The following MTMR1 variants were observed in gnomAD, a reference collection of about 807,000 sequenced individuals.
MTMR1 encodes myotubularin related protein 1, also known as phosphatidylinositol-3-phosphate phosphatase MTMR1.
In MTMR1, 17 loss-of-function variants were observed where a neutral mutation model predicts 51.6. That is an observed-to-expected ratio of 0.33 (90% CI 0.23 to 0.49). The LOEUF (loss-of-function observed/expected upper bound fraction) is 0.49, where lower values mean the gene tolerates loss of function less well. Ranked by LOEUF, MTMR1 falls within the 20% of genes least tolerant of loss-of-function variation. The pLI is 0.99. For synonymous variants in MTMR1, 201 were observed against 205.6 expected (o/e 0.98, Z 0.19); for missense variants, 386 against 526.9 (o/e 0.73, Z 2.62).
At chrX:150,702,813 G>A (rs1282530562) in intron 2 of MTMR1, among the ~76,000 whole-genome samples, 2 of 112,054 alleles carry the variant, frequency 1.8e-5, no homozygotes, top group African/African-American at 6.5e-5. Context: ...GAGGTGGTAT[G>A]TGAAATGGCA....
chrX:150,751,111 T>G (rs2042719182), intron 14 of MTMR1: 18 of 1,063,798 alleles, frequency 1.7e-5, no homozygotes, highest in Non-Finnish European at 2.2e-5. Context: ...TGACTCCGAG[T>G]TCATGTAGTC....
intron 10 of MTMR1, chrX:150,735,646 A>G (rs2042246264): frequency 5.6e-6 from 2 of 355,721 alleles, no homozygotes; most frequent in Non-Finnish European, 9.7e-6. Context: ...CTTTTTTAAA[A>G]AAAACTTATT....
intron 2 of MTMR1, among the ~76,000 whole-genome samples, chrX:150,708,171 T>C (rs1392733882): frequency 8.9e-6 from 1 of 111,865 alleles, no homozygotes; most frequent in Non-Finnish European, 1.9e-5. Context: ...TCAATGCCAA[T>C]ATCCTGGTTC....
chrX:150,704,768 T>C (rs2041036753), intron 2 of MTMR1, among the ~76,000 whole-genome samples: 1 of 111,757 alleles, frequency 8.9e-6, no homozygotes. Flanking sequence ...GAAAGCCAGC[T>C]TAAACAAAGG....
chrX:150,727,893 C>A, intron 6 of MTMR1, 102 bp downstream of exon 6: 1 of 454,078 alleles, frequency 2.2e-6, no homozygotes, highest in Non-Finnish European at 3.6e-6. Context: ...ATAATTTGTA[C>A]TGCTAGTAAC....
intron 12 of MTMR1, among the ~76,000 whole-genome samples, chrX:150,744,119 T>C (rs781895899): frequency 6.2e-5 from 7 of 112,760 alleles, no homozygotes; most frequent in African/African-American, 2.3e-4. Flanking sequence ...TTGTACTTTC[T>C]TGATATCAGC....
rs2043180639 is a variant in MTMR1 at position 150,762,671 on chromosome X, C to T, written c.1964C>T (p.Ser655Leu). Reference sequence around the variant, plus strand: ...GTGGCCACGCGCGCCGTCTCATCCTCATCTGAGCGGGGCTCCTCGCCCTCC... The same window carrying T: ...GTGGCCACGCGCGCCGTCTCATCCTTATCTGAGCGGGGCTCCTCGCCCTCC... ...REVATRAVSS[S>L]SERGSSPSHS... is the part of the protein sequence containing the mutation. Residue 655 changes from serine (S) to leucine (L), a missense_variant, in exon 16 of 16, where the codon TCA (serine) becomes TTA (leucine). Coordinates refer to ENST00000445323, the MANE Select transcript of MTMR1 (RefSeq NM_001306144.3). The T allele has an allele frequency of 2.5e-6, 3 of 1,204,051 alleles. No homozygotes were observed. Among genetic ancestry groups the T allele is most frequent in the East Asian group, 3.0e-5 (1 of 33,558 alleles).
chrX:150,710,892 T>C (rs1557416202), intron 2 of MTMR1, among the ~76,000 whole-genome samples: 2 of 112,151 alleles, frequency 1.8e-5, no homozygotes, highest in South Asian at 7.4e-4. Flanking sequence ...ATAGACACTT[T>C]AAAGTTGACA....
rs1363768098 is a variant in MTMR1, at chrX:150,763,901, A to AACTT, written c.*1175_*1178dup. On this transcript the variant is annotated 3_prime_UTR_variant, in exon 16 of 16. Transcript: ENST00000445323. ...CCGTCGGTTCTCGCAGGAATTAACTAACTTACCAATTGGTTCAATCCACTT... is the reference window on the plus strand; with the variant it reads ...CCGTCGGTTCTCGCAGGAATTAACTAACTTACTTACCAATTGGTTCAATCCACTT... 1.8e-5 allele frequency: 2 copies of AACTT among 112,417 alleles called. No individual in the cohort carries two copies. The highest frequency in any genetic ancestry group is 6.5e-5 in the African/African-American group (2 of 30,943). The allele number at this position is 112,417 out of a possible 1,213,427, so 9.3% of individuals were successfully genotyped here. A position where few individuals can be genotyped will look rare whatever the true frequency, so the allele number is the denominator to read the frequency against.
chrX:150,751,106 C>T (rs2042718717), intron 14 of MTMR1: 1 of 1,073,522 alleles, frequency 9.3e-7, no homozygotes. Flanking sequence ...CCTCCTGACT[C>T]CGAGTTCATG....
intron 1 of MTMR1, among the ~76,000 whole-genome samples, chrX:150,697,189 T>C (rs1428867985): frequency 8.9e-6 from 1 of 111,819 alleles, no homozygotes; most frequent in Non-Finnish European, 1.9e-5. Context: ...ATCTCTCCCT[T>C]TTCTCTCCTT....
intron 14 of MTMR1, 55 bp from the exon 15 acceptor site, chrX:150,755,634 A>T (rs782307885): frequency 6.4e-6 from 6 of 941,380 alleles, no homozygotes; most frequent in Non-Finnish European, 8.7e-6. Context: ...GTGTAATACT[A>T]ATTCTTGATG....
chrX:150,729,004 T>C (rs938550685), intron 6 of MTMR1, among the ~76,000 whole-genome samples: 6 of 110,157 alleles, frequency 5.4e-5, no homozygotes, highest in African/African-American at 2.0e-4. Context: ...AGGGGTGACT[T>C]GATCGGTTCT....
At chrX:150,741,972 A>C (rs185125114) in intron 12 of MTMR1, among the ~76,000 whole-genome samples, 74 of 112,756 alleles carry the variant, frequency 6.6e-4, no homozygotes, top group African/African-American at 2.3e-3. Flanking sequence ...AAAGAAGGGA[A>C]AGCAGGGGCC....
intron 1 of MTMR1, among the ~76,000 whole-genome samples, chrX:150,695,316 G>C (rs2040633382): frequency 8.9e-6 from 1 of 112,134 alleles, no homozygotes; most frequent in South Asian, 3.7e-4. Context: ...GACATCATCT[G>C]TTGTAGATTT....
intron 4 of MTMR1, among the ~76,000 whole-genome samples, chrX:150,721,178 A>C (rs921713310): frequency 2.7e-5 from 3 of 111,832 alleles, no homozygotes; most frequent in Non-Finnish European, 5.6e-5. Context: ...CCATTTTATA[A>C]ATTTTTGGAT....
chrX:150,716,399 A>G (rs1429229408), intron 3 of MTMR1, among the ~76,000 whole-genome samples: 1 of 112,814 alleles, frequency 8.9e-6, no homozygotes, highest in Non-Finnish European at 1.9e-5. Flanking sequence ...CTGTTAGTTT[A>G]TGCTTTATTG....
intron 10 of MTMR1, among the ~76,000 whole-genome samples, chrX:150,735,022 A>C (rs192655750): frequency 8.9e-6 from 1 of 112,297 alleles, no homozygotes; most frequent in Non-Finnish European, 1.9e-5. Flanking sequence ...AAAGCCATGT[A>C]GAGACACAGG....
intron 15 of MTMR1, among the ~76,000 whole-genome samples, chrX:150,757,007 C>T (rs930249474): frequency 2.4e-4 from 27 of 112,086 alleles, no homozygotes; most frequent in Middle Eastern, 4.7e-3. Flanking sequence ...CCATCAGGAG[C>T]GTGTACCCAG....
Sources: gnomAD v4.1 joint callset for allele counts (sites outside exome capture counted in the v4.1 genomes callset) on GRCh38, gnomAD v4.1.1 for gene constraint, MANE v1.5 for transcripts, NCBI Gene and HGNC (gene_info 2026-07-23, HGNC 2026-07-21) for gene names.